The following WDFY4 variants were observed in gnomAD, a reference collection of about 807,000 sequenced individuals.
WDFY4 encodes the protein WD repeat- and FYVE domain-containing protein 4.
A neutral mutation model predicts 351.9 loss-of-function variants in WDFY4; 169 were observed. The ratio of observed to expected loss-of-function variants is 0.48; its 90% CI spans 0.42 to 0.55. The LOEUF is 0.55. WDFY4 is among the 20% of genes least tolerant of loss of function. The probability of loss-of-function intolerance (pLI) is 0.00; values close to 1 mark genes in which losing one functional copy is unlikely to be tolerated. For missense variants in WDFY4, 3,803 were observed against 3,935.6 expected (o/e 0.97, Z 0.90); for synonymous variants, 1,622 against 1,574.6 (o/e 1.03, Z -0.71).
chr10:48,947,021 T>C (rs902776237), intron 51 of WDFY4, 52 bp downstream of exon 51: 195 of 842,644 alleles, frequency 2.3e-4, no homozygotes, highest in African/African-American at 3.5e-4. Flanking sequence ...CACACACACA[T>C]ACGCCTGTAT....
chr10:48,735,303 G>T (rs116269950), intron 10 of WDFY4, among the ~76,000 whole-genome samples: 5 of 152,210 alleles, frequency 3.3e-5, no homozygotes, highest in African/African-American at 9.6e-5. Context: ...CACCTGTCAG[G>T]TTTCTTTAAT....
chr10:48,977,119 A>G (rs537485659), intron 59 of WDFY4, 140 bp downstream of exon 59: 14 of 771,898 alleles, frequency 1.8e-5, no homozygotes, highest in Non-Finnish European at 2.5e-5. Flanking sequence ...AAGGAAGGGA[A>G]AAGACAAGGC....
intron 26 of WDFY4, 31 bp from the exon 27 acceptor site, chr10:48,805,973 C>A (rs1054751586): frequency 1.3e-6 from 2 of 1,548,018 alleles, no homozygotes; most frequent in African/African-American, 1.4e-5. Flanking sequence ...AGCCCGCCTG[C>A]GAGCCTGTCC....
rs77447047 is a variant in WDFY4 at position 48,727,940 on chromosome 10, G to A, written c.971+281G>A. 1.8e-4 allele frequency among the ~76,000 whole-genome samples: 28 copies of A among 152,270 alleles called. No homozygotes were observed. In the East Asian group the frequency reaches 5.2e-3, roughly 28 times the overall value. On this transcript the variant is annotated intron_variant, in intron 7 of 61. Coordinates refer to ENST00000325239, the MANE Select transcript of WDFY4 (RefSeq NM_001394531.1). The stretch of plus-strand genomic sequence containing the variant: ...CAAACAGAAGCCCTGTCTGTTGGAG[G>A]GCTTCTGGCACTGCTGTAAGCTGCC...
rs1302773763 is a variant in WDFY4, at chr10:48,711,814, A to AT, written c.234+1856dup. Reference sequence around the variant, plus strand: ...AGGGGTTCAGAATGAACTAGTGGCCATTTTTTTTCAAAATGGAAAGTTTTC... The same window carrying AT: ...AGGGGTTCAGAATGAACTAGTGGCCATTTTTTTTTCAAAATGGAAAGTTTTC... On this transcript the variant is annotated intron_variant, in intron 2 of 61. Coordinates refer to ENST00000325239, the MANE Select transcript of WDFY4 (RefSeq NM_001394531.1). Among the ~76,000 whole-genome samples, 9 of 151,854 alleles carry AT rather than the reference A, an allele frequency of 5.9e-5. No individual in the cohort carries two copies. The East Asian group carries it at 1.4e-3, about 23-fold the overall frequency.
chr10:48,978,363 G>A lies in WDFY4; in HGVS notation c.9346G>A (p.Glu3116Lys), dbSNP rs1374096209. ...MSVPGRPAGE[E>K]PPAQPPSPRG... Reference sequence around the variant, plus strand: ...TGTTCCTGGACGGCCAGCAGGAGAGGAGCCCCCGGCTCAGCCTCCAAGCCC... The same window carrying A: ...TGTTCCTGGACGGCCAGCAGGAGAGAAGCCCCCGGCTCAGCCTCCAAGCCC... Residue 3116 changes from glutamate (E) to lysine (K), a missense_variant, in exon 60 of 62, where the codon GAG becomes AAG. Physicochemically the swap from Glu to Lys is moderately conservative, Grantham distance 56. This residue lies in a region of WDFY4 where 3,054 missense variants were observed against 3,148.6 expected (regional missense o/e 0.97). Coordinates refer to ENST00000325239, the MANE Select transcript of WDFY4 (RefSeq NM_001394531.1). 6 of 1,551,404 alleles carry A rather than the reference G, an allele frequency of 3.9e-6. No homozygotes were observed. Among genetic ancestry groups the A allele is most frequent in the Admixed American group, 2.0e-5 (1 of 50,982 alleles).
chr10:48,697,941 C>T (rs1038723957), intron 1 of WDFY4, among the ~76,000 whole-genome samples: 11 of 152,170 alleles, frequency 7.2e-5, no homozygotes, highest in African/African-American at 2.7e-4. Flanking sequence ...TCCTGCCTGG[C>T]CTTCTCTGAG....
chr10:48,720,824 G>A (rs1326525851), intron 3 of WDFY4, among the ~76,000 whole-genome samples: 2 of 152,328 alleles, frequency 1.3e-5, no homozygotes, highest in Non-Finnish European at 1.5e-5. Context: ...CTGGTCCCTG[G>A]AGGCAGGGCA....
At chr10:48,901,966 C>T (rs1467688413) in intron 47 of WDFY4, 103 bp downstream of exon 47, 3 of 1,043,832 alleles carry the variant, frequency 2.9e-6, no homozygotes, top group Non-Finnish European at 4.3e-6. Context: ...AGAGCATGCC[C>T]AACAGTTTCC....
intron 40 of WDFY4, among the ~76,000 whole-genome samples, chr10:48,873,009 C>T (rs1751606642): frequency 6.6e-6 from 1 of 152,114 alleles, no homozygotes; most frequent in African/African-American, 2.4e-5. Context: ...GTCTTGAGGG[C>T]TTCTAATTCC....
intron 35 of WDFY4, among the ~76,000 whole-genome samples, chr10:48,826,305 A>G (rs554622741): frequency 6.6e-6 from 1 of 152,180 alleles, no homozygotes; most frequent in South Asian, 2.1e-4. Context: ...ATTCTGTTCT[A>G]TTGGTCTATG....
intron 52 of WDFY4, among the ~76,000 whole-genome samples, chr10:48,958,962 G>T (rs576066361): frequency 4.8e-4 from 73 of 152,310 alleles, no homozygotes; most frequent in African/African-American, 1.7e-3. Context: ...GGTCAGGCAA[G>T]ACTGTAGCTC....
Position 48,966,518 on chromosome 10 carries a change from C to T in WDFY4, c.8437-8C>T. The T allele has an allele frequency of 1.9e-6, 3 of 1,551,058 alleles. No individual in the cohort carries two copies. The highest frequency in any genetic ancestry group is 1.7e-6 in the Non-Finnish European group (2 of 1,146,398). ...CCCCTCATGTGTGTCTGTTCCCTGT[C>T]TCTCTAGCTCTTTACCAAACCTCAC... On this transcript the variant is annotated splice_polypyrimidine_tract_variant and splice_region_variant and intron_variant, in intron 54 of 61. Transcript: ENST00000325239.
chr10:48,793,134 C>T (rs1011111946), intron 23 of WDFY4, among the ~76,000 whole-genome samples: 5 of 152,314 alleles, frequency 3.3e-5, no homozygotes, highest in Middle Eastern at 3.4e-3. Flanking sequence ...TGATCAAATG[C>T]TTCCTAAGAC....
At chr10:48,910,497 T>C (rs1837900507) in intron 47 of WDFY4, among the ~76,000 whole-genome samples, 1 of 152,204 alleles carries the variant, frequency 6.6e-6, no homozygotes, top group Non-Finnish European at 1.5e-5. Context: ...TTTTAGAGCA[T>C]GAAGGAACAC....
chr10:48,746,281 A>G (rs2132435971), intron 12 of WDFY4, among the ~76,000 whole-genome samples: 1 of 152,372 alleles, frequency 6.6e-6, no homozygotes, highest in East Asian at 1.9e-4. Context: ...GAATTTTTAT[A>G]TTCTTATGGA....
intron 39 of WDFY4, among the ~76,000 whole-genome samples, chr10:48,857,802 TTC>T (rs2069189303): frequency 6.6e-6 from 1 of 152,190 alleles, no homozygotes; most frequent in Non-Finnish European, 1.5e-5. Context: ...TGATTTTTTT[TTC>T]TTTTTTTGAT....
At chr10:48,754,328 T>C (rs75714819) in intron 12 of WDFY4, among the ~76,000 whole-genome samples, 2,412 of 151,680 alleles carry the variant, frequency 0.016, 72 homozygotes, top group African/African-American at 0.055. Context: ...GACATACTCC[T>C]ACTTCAGGGC....
Position 48,786,790 on chromosome 10 carries a change from C to T in WDFY4, c.3728C>T (p.Ala1243Val). ...RLGPTYLFEE[A>V]ISMETLEVIN... ...GGCCCCACATACCTCTTTGAAGAAG[C>T]CATTTCAATGGAAACTCTGGAAGTT... is the stretch of plus-strand genomic sequence containing the variant. The change falls in exon 20 of 62, where the codon GCC becomes GTC. Residue 1243 changes from alanine (A) to valine (V), a missense_variant. Physicochemically the swap from Ala to Val is moderately conservative, Grantham distance 64. Transcript: ENST00000325239. 1 of 1,552,354 alleles carries T rather than the reference C, an allele frequency of 6.4e-7. No homozygotes were observed. The highest frequency in any genetic ancestry group is 8.7e-7 in the Non-Finnish European group (1 of 1,147,140).
Sources: gnomAD v4.1 joint callset for allele counts (sites outside exome capture counted in the v4.1 genomes callset) on GRCh38, gnomAD v4.1.1 for gene constraint, gnomAD v4.1.1 regional missense constraint, MANE v1.5 for transcripts, NCBI Gene and HGNC (gene_info 2026-07-23, HGNC 2026-07-21) for gene names.